PCDHA2: variants seen among roughly 807,000 people sequenced by gnomAD.
PCDHA2 encodes the protein protocadherin alpha 2, also known as protocadherin alpha-2.
A neutral mutation model predicts 66.0 loss-of-function variants in PCDHA2; 58 were observed. The ratio of observed to expected loss-of-function variants is 0.88; its 90% CI spans 0.71 to 1.09. The LOEUF is 1.09. PCDHA2 is among the 50% of genes least tolerant of loss of function. The pLI, the probability that PCDHA2 is intolerant of heterozygous loss-of-function variation, is 0.00. For synonymous variants in PCDHA2, 634 were observed against 554.0 expected (o/e 1.14, Z -2.03); for missense variants, 1,267 against 1,242.3 (o/e 1.02, Z -0.30).
At chr5:140,842,942 G>A in intron 1 of PCDHA2, 1 of 1,594,648 alleles carries the variant, frequency 6.3e-7, no homozygotes, top group Non-Finnish European at 8.6e-7. Flanking sequence ...GCGCGACGCG[G>A]GCGTGCCGCC....
chr5:140,967,107 G>A (rs782199698), intron 1 of PCDHA2: 12 of 1,612,876 alleles, frequency 7.4e-6, no homozygotes, highest in Non-Finnish European at 9.3e-6. Context: ...TGTGAGCAGC[G>A]GCCTCGCTGC....
intron 1 of PCDHA2, among the ~76,000 whole-genome samples, chr5:140,800,617 A>G (rs572741159): frequency 1.5e-4 from 23 of 152,314 alleles, no homozygotes; most frequent in Admixed American, 6.5e-4. Context: ...TTGAAATCCC[A>G]TCGTACCAAG....
intron 1 of PCDHA2, chr5:140,849,831 G>A (rs2041164266): frequency 6.3e-7 from 1 of 1,598,450 alleles, no homozygotes; most frequent in African/African-American, 1.3e-5. Context: ...TGTGGAGGTG[G>A]CCGACGTGAA....
At position 140,858,582 on chromosome 5, in the gene PCDHA2, A is replaced by G; in HGVS notation, c.2388+61230A>G. ...ATTTCTAGTGATACCTTTGTAATAT[A>G]ATTTATTCCAGGAGTTTTAAAATTT... On this transcript the variant is annotated intron_variant, in intron 1 of 3. Transcript: ENST00000526136. The G allele has an allele frequency of 1.5e-6, 2 of 1,346,266 alleles. 1 individual carries two copies. Among genetic ancestry groups the G allele is most frequent in the Non-Finnish European group, 2.0e-6 (2 of 983,500 alleles). The allele number at this position is 1,346,266 out of a possible 1,614,324, so 83.4% of individuals were successfully genotyped here. A position where few individuals can be genotyped will look rare whatever the true frequency, so the allele number is the denominator to read the frequency against.
At chr5:140,869,100 TGCGATGTTTGGTTTTCAGAGAAGG>T (rs1554162487) in intron 1 of PCDHA2, 1 of 1,596,924 alleles carries the variant, frequency 6.3e-7, no homozygotes, top group South Asian at 1.1e-5. Flanking sequence ...CAATTTCGTA[TGCGATGTTTGGTTTTCAGAGAAGG>T]GGATTGGGCA....
intron 1 of PCDHA2, chr5:140,866,016 T>C (rs191505079): frequency 6.6e-6 from 1 of 152,304 alleles, no homozygotes; most frequent in African/African-American, 2.4e-5. Flanking sequence ...ATTTTTTTCT[T>C]GTAAGAGTTC....
intron 1 of PCDHA2, chr5:140,823,650 G>A (rs2150127919): frequency 5.6e-6 from 9 of 1,613,996 alleles, no homozygotes; most frequent in South Asian, 1.1e-5. Context: ...GCGTGGGGCT[G>A]TACACAGGCG....
At chr5:140,978,856 A>G (rs2096826512) in intron 1 of PCDHA2, 93 bp from the exon 2 acceptor site, 1 of 1,589,052 alleles carries the variant, frequency 6.3e-7, no homozygotes, top group Non-Finnish European at 8.6e-7. Flanking sequence ...AGATGCCTGG[A>G]AATATTTAAG....
Position 140,796,803 on chromosome 5 carries a change from G to A in PCDHA2, c.1839G>A (p.Leu613=). 6.2e-7 allele frequency: 1 copy of A among 1,614,130 alleles called. No homozygotes were observed. Among genetic ancestry groups the A allele is most frequent in the Non-Finnish European group, 8.5e-7 (1 of 1,179,972 alleles). The change falls in exon 1 of 4, where the codon CTG becomes CTA. Residue 613 remains leucine (L), a synonymous_variant. Transcript: ENST00000526136. ...YNAWLSYELQ[L]GTGSARIPFR... is the part of the protein sequence containing the mutation. ...CGTGGCTTTCGTACGAGCTTCAGCT[G>A]GGTACTGGCAGCGCTCGCATCCCGT...
At chr5:140,805,660 A>G (rs1356388954) in intron 1 of PCDHA2, 3 of 845,886 alleles carry the variant, frequency 3.5e-6, no homozygotes, top group Non-Finnish European at 4.3e-6. Flanking sequence ...TTCATTCCCC[A>G]TTAATACCCA....
intron 1 of PCDHA2, among the ~76,000 whole-genome samples, chr5:140,906,048 C>A (rs1482228569): frequency 1.3e-5 from 2 of 152,170 alleles, no homozygotes; most frequent in South Asian, 2.1e-4. Context: ...TTTATTCTGG[C>A]TGCACTGGCA....
rs1554145030 is a variant in PCDHA2 at position 140,850,906 on chromosome 5, T to C, written c.2388+53554T>C. On this transcript the variant is annotated intron_variant, in intron 1 of 3. Transcript: ENST00000526136. Reference sequence around the variant, plus strand: ...ACTGGGAAGGTGGGTTTTTCTAGCATTTTATTTATTTATATAATTTTTTTT... The same window carrying C: ...ACTGGGAAGGTGGGTTTTTCTAGCACTTTATTTATTTATATAATTTTTTTT... The C allele has an allele frequency of 1.3e-6, 2 of 1,550,722 alleles. 1 individual carries two copies. The highest frequency in any genetic ancestry group is 1.7e-6 in the Non-Finnish European group (2 of 1,145,138).
At chr5:140,975,594 A>G (rs914837592) in intron 1 of PCDHA2, among the ~76,000 whole-genome samples, 3 of 152,236 alleles carry the variant, frequency 2.0e-5, no homozygotes, top group Admixed American at 2.0e-4. Flanking sequence ...CCAGAGGGCA[A>G]TTTGTTGATG....
rs551967990 is a variant in PCDHA2 at position 140,858,294 on chromosome 5, C to G, written c.2388+60942C>G. ...AGCGCGGTGGGGAGCTGGTCTTACTCGCAGCAGAGGCGGCAGAGGGTGTGT... is the reference window on the plus strand; with the variant it reads ...AGCGCGGTGGGGAGCTGGTCTTACTGGCAGCAGAGGCGGCAGAGGGTGTGT... On this transcript the variant is annotated intron_variant, in intron 1 of 3. Transcript: ENST00000526136. 3 of 1,597,466 alleles carry G rather than the reference C, an allele frequency of 1.9e-6. No individual in the cohort carries two copies. The African/African-American group carries it at 4.0e-5, about 21-fold the overall frequency.
At chr5:140,812,522 T>G (rs2126639627) in intron 1 of PCDHA2, 1 of 152,318 alleles carries the variant, frequency 6.6e-6, no homozygotes, top group South Asian at 2.1e-4. Flanking sequence ...TTGGGCTTCC[T>G]CATTTGTCCT....
In PCDHA2 at chr5:140,796,614, G is replaced by T. The variant is rs544759315; in HGVS notation, c.1650G>T (p.Thr550=). 1 of 1,612,474 alleles carries T rather than the reference G, an allele frequency of 6.2e-7. No individual in the cohort carries two copies. The highest frequency in any genetic ancestry group is 8.5e-7 in the Non-Finnish European group (1 of 1,179,556). Residue 550 remains threonine (T), a synonymous_variant, in exon 1 of 4, where the codon ACG becomes ACT. Coordinates refer to ENST00000526136, the MANE Select transcript of PCDHA2 (RefSeq NM_018905.3). ...AGVPPLGSNV[T]LQVFVLDEND... ...TGCCGCCTCTGGGCAGCAACGTGAC[G>T]CTGCAGGTGTTCGTGCTGGACGAGA...
At chr5:140,883,519 CG>C in intron 1 of PCDHA2, 1 of 1,614,190 alleles carries the variant, frequency 6.2e-7, no homozygotes, top group African/African-American at 1.3e-5. Flanking sequence ...ACCGCGAGAG[CG>C]TATCAGCCTA....
intron 1 of PCDHA2, among the ~76,000 whole-genome samples, chr5:140,916,315 A>C (rs1554197391): frequency 3.9e-5 from 6 of 152,204 alleles, no homozygotes; most frequent in Non-Finnish European, 8.8e-5. Context: ...GGTGCAAGAC[A>C]AAGTCCCCTT....
At chr5:140,897,547 C>T (rs1276931434) in intron 1 of PCDHA2, among the ~76,000 whole-genome samples, 3 of 152,076 alleles carry the variant, frequency 2.0e-5, no homozygotes, top group Non-Finnish European at 2.9e-5. Context: ...CATAGTCTTC[C>T]ATGGTGTATA....
Sources: allele counts gnomAD v4.1 joint callset (sites outside exome capture counted in the v4.1 genomes callset), GRCh38; gene constraint gnomAD v4.1.1; transcripts MANE v1.5; gene names NCBI Gene and HGNC (gene_info 2026-07-23, HGNC 2026-07-21).